The following NBAS variants were observed in gnomAD, a reference collection of about 807,000 sequenced individuals.
NBAS encodes the protein NBAS subunit of NRZ tethering complex.
A neutral mutation model predicts 302.5 loss-of-function variants in NBAS; 219 were observed. That is an observed-to-expected ratio of 0.72 (90% confidence interval 0.65 to 0.81). NBAS has a LOEUF of 0.81. NBAS is among the 30% of genes least tolerant of loss of function. The probability of loss-of-function intolerance (pLI) is 0.00; values close to 1 mark genes in which losing one functional copy is unlikely to be tolerated. For missense variants in NBAS, 2,932 were observed against 2,841.6 expected, an observed-to-expected ratio of 1.03 and a Z score of -0.72; for synonymous variants, 1,118 against 1,021.6, an observed-to-expected ratio of 1.09 and a Z score of -1.80.
At chr2:14,785,705 T>G in the NBAS span, among the ~76,000 whole-genome samples, 1 of 152,230 alleles carries the variant, frequency 6.6e-6, no homozygotes, top group East Asian at 1.9e-4. Flanking sequence ...TTTGATGTAC[T>G]GCCGGATTCA....
chr2:15,201,642 T>C (rs1245722116), intron 48 of NBAS, among the ~76,000 whole-genome samples: 2 of 152,238 alleles, frequency 1.3e-5, no homozygotes, highest in African/African-American at 2.4e-5. Context: ...ATATGTTCTA[T>C]TTTTGTTCAT....
chr2:15,081,495 G>C, the NBAS span, among the ~76,000 whole-genome samples: 4 of 152,148 alleles, frequency 2.6e-5, no homozygotes, highest in African/African-American at 9.7e-5. Context: ...TATCCAGCCA[G>C]AGCCTCCAAC....
At position 15,511,322 on chromosome 2, in the gene NBAS, C is replaced by G; in HGVS notation, c.775G>C (p.Ala259Pro). The change falls in exon 10 of 52, where the codon GCT becomes CCT. Residue 259 changes from alanine (A) to proline (P), a missense_variant. By Grantham distance (27) the Ala-to-Pro change is conservative. Coordinates refer to ENST00000281513, the MANE Select transcript of NBAS (RefSeq NM_015909.4). ...RLLLVGGCETAEVGMSKASSC... is the reference protein window; with the variant it reads ...RLLLVGGCETPEVGMSKASSC... ...GAAGCTTTTGACATGCCTACTTCAG[C>G]AGTTTCACATCCACCAACAAGTAAA... is the stretch of plus-strand genomic sequence containing the variant. The G allele has an allele frequency of 6.2e-7, 1 of 1,614,042 alleles. No individual in the cohort carries two copies. The highest frequency in any genetic ancestry group is 8.5e-7 in the Non-Finnish European group (1 of 1,179,962).
At chr2:15,462,210 C>T (rs1021994919) in intron 19 of NBAS, among the ~76,000 whole-genome samples, 2 of 152,172 alleles carry the variant, frequency 1.3e-5, no homozygotes, top group African/African-American at 4.8e-5. Context: ...AAATATTAAC[C>T]GAGTGCCACT....
the NBAS span, among the ~76,000 whole-genome samples, chr2:15,034,739 G>C: frequency 6.6e-6 from 1 of 151,936 alleles, no homozygotes; most frequent in Admixed American, 6.6e-5. Flanking sequence ...ATGAATGCAT[G>C]TACTTGCTAA....
At chr2:15,357,510 C>T (rs2148315529) in intron 32 of NBAS, among the ~76,000 whole-genome samples, 1 of 152,276 alleles carries the variant, frequency 6.6e-6, no homozygotes, top group South Asian at 2.1e-4. Context: ...ACCTATAGTG[C>T]AGAGTCTCGC....
the NBAS span, among the ~76,000 whole-genome samples, chr2:15,125,700 C>G: frequency 3.9e-5 from 6 of 152,154 alleles, no homozygotes; most frequent in African/African-American, 1.2e-4. Context: ...GGCCTGTTAA[C>G]TTTTTCTTTG....
At chr2:15,049,537 T>C in the NBAS span, among the ~76,000 whole-genome samples, 1 of 152,216 alleles carries the variant, frequency 6.6e-6, no homozygotes, top group Admixed American at 6.5e-5. Context: ...TGGAGGCTCC[T>C]GAGGGGCTGT....
the NBAS span, among the ~76,000 whole-genome samples, chr2:14,938,209 T>A: frequency 5.1e-4 from 78 of 152,314 alleles, no homozygotes; most frequent in African/African-American, 1.8e-3. Flanking sequence ...TATATAAATG[T>A]TAGCTGGTAT....
At chr2:15,089,159 T>C in the NBAS span, among the ~76,000 whole-genome samples, 1 of 152,170 alleles carries the variant, frequency 6.6e-6, no homozygotes, top group African/African-American at 2.4e-5. Context: ...TTTTTCAGTT[T>C]TTTGTAGAGA....
the NBAS span, among the ~76,000 whole-genome samples, chr2:15,042,267 G>A: frequency 6.6e-6 from 1 of 152,220 alleles, no homozygotes; most frequent in African/African-American, 2.4e-5. Context: ...GAGATGTCAA[G>A]GGTAGTTTGA....
chr2:15,186,128 G>GTA (rs897125295), intron 50 of NBAS, among the ~76,000 whole-genome samples: 1,492 of 148,400 alleles, frequency 0.01, 26 homozygotes, highest in African/African-American at 0.031. Flanking sequence ...ATGTATGTGT[G>GTA]TATATATATA....
chr2:14,792,429 G>A, the NBAS span, among the ~76,000 whole-genome samples: 3 of 152,142 alleles, frequency 2.0e-5, no homozygotes, highest in African/African-American at 7.2e-5. Flanking sequence ...TTGTGATTGT[G>A]TGGCTGACTA....
Position 15,363,034 on chromosome 2 carries a change from G to T in NBAS, c.3817+3546C>A, listed in dbSNP as rs1291301377. ...GCCCAGGAGTTCAAAACCAGCATGG[G>T]CAACATAGTGAGACCCCGTCTCTGT... On this transcript the variant is annotated intron_variant, in intron 32 of 51. Transcript: ENST00000281513. 1.3e-5 allele frequency among the ~76,000 whole-genome samples: 2 copies of T among 152,076 alleles called. 1 individual carries two copies.
intron 31 of NBAS, among the ~76,000 whole-genome samples, chr2:15,370,469 T>G (rs969061185): frequency 1.3e-5 from 2 of 152,108 alleles, no homozygotes; most frequent in Admixed American, 1.3e-4. Flanking sequence ...ATTTTTTAAT[T>G]TTTTAAAAAA....
the NBAS span, among the ~76,000 whole-genome samples, chr2:15,157,297 C>T: frequency 1.3e-5 from 2 of 152,184 alleles, no homozygotes; most frequent in Non-Finnish European, 2.9e-5. Flanking sequence ...CACAAGGTGA[C>T]TTGTGTAATT....
the NBAS span, among the ~76,000 whole-genome samples, chr2:15,011,616 C>A: frequency 6.6e-6 from 1 of 152,086 alleles, no homozygotes. Context: ...ATTGTGCACC[C>A]ATGCCCCCAG....
intron 21 of NBAS, among the ~76,000 whole-genome samples, chr2:15,446,865 C>A (rs549271408): frequency 7.1e-6 from 1 of 141,208 alleles, no homozygotes; most frequent in East Asian, 2.0e-4. Flanking sequence ...CTACTATAAA[C>A]CCTAGAGCAA....
chr2:15,533,964 C>A (rs1479915018), intron 9 of NBAS, among the ~76,000 whole-genome samples: 1 of 152,132 alleles, frequency 6.6e-6, no homozygotes, highest in Admixed American at 6.5e-5. Context: ...TTTAGCTTGG[C>A]TATCCTATAA....
Sources: allele counts gnomAD v4.1 joint callset (sites outside exome capture counted in the v4.1 genomes callset), GRCh38; gene constraint gnomAD v4.1.1; transcripts MANE v1.5; gene names NCBI Gene and HGNC (gene_info 2026-07-23, HGNC 2026-07-21).